NFU1: variants seen among roughly 807,000 people sequenced by gnomAD.
The protein encoded by NFU1 is NFU1 iron-sulfur cluster scaffold homolog, mitochondrial.
A neutral mutation model predicts 32.2 loss-of-function variants in NFU1; 30 were observed. That is an observed-to-expected ratio of 0.93 (90% CI 0.70 to 1.26). NFU1 has a LOEUF of 1.26. NFU1 is among the 50% of genes most tolerant of loss of function. NFU1 has a pLI of 0.00. For synonymous variants in NFU1, 112 were observed against 104.6 expected, an observed-to-expected ratio of 1.07 and a Z score of -0.43; for missense variants, 306 against 306.6, an observed-to-expected ratio of 1.00 and a Z score of 0.02.
intron 6 of NFU1, among the ~76,000 whole-genome samples, chr2:69,404,741 T>G (rs1159961561): frequency 1.3e-5 from 2 of 149,782 alleles, no homozygotes; most frequent in African/African-American, 4.9e-5. Context: ...TACCTCGGTC[T>G]CCCTAGTAGC....
chr2:69,430,424 G>A (rs1574151522), intron 2 of NFU1, among the ~76,000 whole-genome samples: 1 of 151,954 alleles, frequency 6.6e-6, no homozygotes, highest in Non-Finnish European at 1.5e-5. Flanking sequence ...ATGTTGCTGA[G>A]GCTGGTCTTG....
chr2:69,436,516 G>GT (rs947846192), intron 1 of NFU1, among the ~76,000 whole-genome samples: 1 of 152,116 alleles, frequency 6.6e-6, no homozygotes, highest in Non-Finnish European at 1.5e-5. Flanking sequence ...TTAAAGTCTT[G>GT]TTTTTTTAAA....
At chr2:69,401,410 G>A (rs1672519054) in intron 6 of NFU1, among the ~76,000 whole-genome samples, 1 of 152,172 alleles carries the variant, frequency 6.6e-6, no homozygotes, top group South Asian at 2.1e-4. Flanking sequence ...CTCTTTGTGA[G>A]ATTCACCTAT....
chr2:69,436,530 AGAGTG>A (rs1395614612), intron 1 of NFU1, among the ~76,000 whole-genome samples: 1 of 152,214 alleles, frequency 6.6e-6, no homozygotes, highest in East Asian at 1.9e-4. Flanking sequence ...TTTTAAAGTA[AGAGTG>A]GATTACATTA....
At chr2:69,411,938 T>C (rs1157912948) in intron 5 of NFU1, among the ~76,000 whole-genome samples, 1 of 152,118 alleles carries the variant, frequency 6.6e-6, no homozygotes, top group Admixed American at 6.6e-5. Flanking sequence ...AAAAAAGACA[T>C]ATGGGCCAGG....
chr2:69,402,762 T>A (rs1672564541), intron 6 of NFU1, among the ~76,000 whole-genome samples: 1 of 151,910 alleles, frequency 6.6e-6, no homozygotes, highest in Non-Finnish European at 1.5e-5. Context: ...TTTATTTTTT[T>A]AGTAGACACA....
intron 5 of NFU1, among the ~76,000 whole-genome samples, chr2:69,410,452 G>A (rs990412763): frequency 6.6e-6 from 1 of 152,148 alleles, no homozygotes; most frequent in South Asian, 2.1e-4. Context: ...GAACGCTGGA[G>A]GCAGATTGCC....
At chr2:69,407,790 G>A (rs12474123) in intron 5 of NFU1, among the ~76,000 whole-genome samples, 100,195 of 151,324 alleles carry the variant, frequency 0.66, 34,552 homozygotes, top group African/African-American at 0.87. Context: ...AGGCAGACGC[G>A]TCACCTGAGG....
At chr2:69,407,194 C>T (rs1672722568) in intron 5 of NFU1, among the ~76,000 whole-genome samples, 1 of 152,118 alleles carries the variant, frequency 6.6e-6, no homozygotes, top group Non-Finnish European at 1.5e-5. Context: ...CTCAAGTGAT[C>T]CTTCTACCTT....
chr2:69,435,261 AGAGGTTAAAGGCAAAATGATG>A (rs1673791465), intron 1 of NFU1, among the ~76,000 whole-genome samples: 1 of 152,228 alleles, frequency 6.6e-6, no homozygotes, highest in South Asian at 2.1e-4. Flanking sequence ...TGGGCAGTCT[AGAGGTTAAAGGCAAAATGATG>A]GTCAGTTAGA....
chr2:69,434,714 A>G (rs910387366), intron 1 of NFU1, among the ~76,000 whole-genome samples: 1 of 152,244 alleles, frequency 6.6e-6, no homozygotes, highest in Non-Finnish European at 1.5e-5. Context: ...CAATGGGTTC[A>G]CTTTGCCCAC....
intron 6 of NFU1, 43 bp from the exon 7 acceptor site, chr2:69,400,581 A>G (rs1287639843): frequency 6.3e-7 from 1 of 1,577,190 alleles, no homozygotes; most frequent in African/African-American, 1.4e-5. Flanking sequence ...TTTAAAATAC[A>G]AGTTTTCATT....
chr2:69,432,270 T>C (rs7595167), intron 1 of NFU1, among the ~76,000 whole-genome samples: 1 of 151,924 alleles, frequency 6.6e-6, no homozygotes, highest in Admixed American at 6.6e-5. Context: ...TAATATAACA[T>C]TGAGGTATAA....
intron 7 of NFU1, among the ~76,000 whole-genome samples, chr2:69,396,846 G>A (rs1672354255): frequency 6.6e-6 from 1 of 152,120 alleles, no homozygotes; most frequent in South Asian, 2.1e-4. Flanking sequence ...GCTGAGGCAG[G>A]CAGATCATGA....
At chr2:69,403,835 C>T (rs116090926) in intron 6 of NFU1, among the ~76,000 whole-genome samples, 122 of 151,366 alleles carry the variant, frequency 8.1e-4, no homozygotes, top group African/African-American at 2.7e-3. Flanking sequence ...ATTTTAGTTC[C>T]AGGGTTACTT....
In NFU1 at chr2:69,423,705, A is replaced by C; in HGVS notation, c.179T>G (p.Phe60Cys). The C allele has an allele frequency of 6.2e-7, 1 of 1,600,090 alleles. No homozygotes were observed. Residue 60 changes from phenylalanine to cysteine, a missense_variant, in exon 3 of 8, where the codon TTT becomes TGT. By Grantham distance (205) the Phe-to-Cys change is radical. Coordinates refer to ENST00000410022, the MANE Select transcript of NFU1 (RefSeq NM_001002755.4). Reference sequence around the variant, plus strand: ...ATTTGGGGTATCTTGTGTTTGAATAAACATGTATCTCACTAAAAAAGAAAA... The same window carrying C: ...ATTTGGGGTATCTTGTGTTTGAATACACATGTATCTCACTAAAAAAGAAAA... Reference protein sequence around the residue: ...AAFYHPVRYMFIQTQDTPNPN... With the variant: ...AAFYHPVRYMCIQTQDTPNPN...
chr2:69,439,169 C>T (rs141682599), upstream of NFU1, among the ~76,000 whole-genome samples: 1,446 of 152,248 alleles, frequency 9.5e-3, 26 homozygotes, highest in African/African-American at 0.033. Flanking sequence ...ACTTCCCACT[C>T]CTCAAACCCC....
In NFU1 at chr2:69,415,281, A is replaced by T; in HGVS notation, c.388T>A (p.Trp130Arg). ...TAAATATCTGGTTTCAGTAAATTCC[A>T]GTCTAATTCTTCATTTTCCTATAAA... ...TVTKENEELD[W>R]NLLKPDIYAT... The change falls in exon 5 of 8, where the codon TGG becomes AGG. Residue 130 changes from tryptophan to arginine, a missense_variant. Trp to Arg is a moderately radical substitution (Grantham distance 101). Coordinates refer to ENST00000410022, the MANE Select transcript of NFU1 (RefSeq NM_001002755.4). The T allele has an allele frequency of 6.2e-7, 1 of 1,604,132 alleles. No individual in the cohort carries two copies. Among genetic ancestry groups the T allele is most frequent in the Non-Finnish European group, 8.5e-7 (1 of 1,171,256 alleles).
intron 4 of NFU1, among the ~76,000 whole-genome samples, chr2:69,419,222 G>A (rs1035312365): frequency 4.0e-5 from 6 of 149,712 alleles, no homozygotes; most frequent in Admixed American, 2.0e-4. Flanking sequence ...GGCGGGGGGG[G>A]GCGCCGAGGC....
Sources: gnomAD v4.1 joint callset for allele counts (sites outside exome capture counted in the v4.1 genomes callset) on GRCh38, gnomAD v4.1.1 for gene constraint, MANE v1.5 for transcripts, NCBI Gene and HGNC (gene_info 2026-07-23, HGNC 2026-07-21) for gene names.